CABIN1: variants seen among roughly 807,000 people sequenced by gnomAD.
CABIN1 encodes the protein calcineurin-binding protein cabin-1.
CABIN1 carries 133 observed loss-of-function variants against 227.7 expected under a neutral mutation model. The observed-to-expected ratio is 0.58, with a 90% CI of 0.51 to 0.67. The LOEUF is 0.67. CABIN1 is among the 30% of genes least tolerant of loss of function. CABIN1 has a pLI of 0.00. For missense variants in CABIN1, 2,408 were observed against 2,852.5 expected, an observed-to-expected ratio of 0.84 and a Z score of 3.55; for synonymous variants, 1,086 against 1,155.1, an observed-to-expected ratio of 0.94 and a Z score of 1.21.
chr22:24,127,475 CAGGAAGT>C (rs1170481745), intron 28 of CABIN1, among the ~76,000 whole-genome samples: 2 of 152,152 alleles, frequency 1.3e-5, no homozygotes, highest in Admixed American at 6.5e-5. Context: ...AGCAGGATAT[CAGGAAGT>C]AGTCTGATTC....
chr22:24,065,887 G>A (rs1438651477), intron 15 of CABIN1, among the ~76,000 whole-genome samples: 6 of 152,188 alleles, frequency 3.9e-5, no homozygotes, highest in Non-Finnish European at 7.4e-5. Context: ...GCCTGCAATC[G>A]CAGGCACTCG....
rs2038652986 is a variant in CABIN1 at position 24,054,777 on chromosome 22, G to A, written c.807-96G>A. On this transcript the variant is annotated intron_variant, in intron 8 of 36. Transcript: ENST00000263119. ...CATGGACATGGCAGCTCCAGGAGCA[G>A]CTCTGCCGCCTCTGTGCAGGCAGGC... The A allele has an allele frequency of 2.0e-6, 3 of 1,515,568 alleles. No individual in the cohort carries two copies. The African/African-American group carries it at 4.1e-5, about 21-fold the overall frequency. 93.9% of individuals were successfully genotyped at this position (1,515,568 alleles called of 1,614,324 possible). A position where few individuals can be genotyped will look rare whatever the true frequency, so the allele number is the denominator to read the frequency against.
chr22:24,085,940 A>G (rs1460318023), intron 22 of CABIN1, among the ~76,000 whole-genome samples: 2 of 152,192 alleles, frequency 1.3e-5, no homozygotes, highest in Non-Finnish European at 2.9e-5. Flanking sequence ...GCTGCCCTTG[A>G]GCCATGGGTG....
intron 10 of CABIN1, 185 bp downstream of exon 10, chr22:24,056,545 T>C: frequency 1.6e-6 from 1 of 622,748 alleles, no homozygotes; most frequent in Non-Finnish European, 2.8e-6. Flanking sequence ...TTCTCGCCTC[T>C]TCCCACCTCT....
chr22:24,030,242 A>G (rs192965030), intron 1 of CABIN1, among the ~76,000 whole-genome samples: 104 of 152,286 alleles, frequency 6.8e-4, no homozygotes, highest in African/African-American at 2.4e-3. Context: ...ACAGCTGTGC[A>G]TGTCCAGGGG....
intron 1 of CABIN1, among the ~76,000 whole-genome samples, chr22:24,012,095 A>G (rs1230251785): frequency 6.6e-6 from 1 of 152,176 alleles, no homozygotes; most frequent in African/African-American, 2.4e-5. Flanking sequence ...TGTTGTAAAT[A>G]TATCAGTGTT....
intron 29 of CABIN1, among the ~76,000 whole-genome samples, chr22:24,147,405 C>T (rs2045214020): frequency 1.3e-5 from 2 of 148,658 alleles, no homozygotes; most frequent in Admixed American, 1.3e-4. Flanking sequence ...TCCTTCCTTC[C>T]CTCCACCTCT....
chr22:24,086,505 A>C (rs778095313), intron 22 of CABIN1, among the ~76,000 whole-genome samples: 1 of 152,212 alleles, frequency 6.6e-6, no homozygotes, highest in Non-Finnish European at 1.5e-5. Flanking sequence ...TGATGGCTTG[A>C]TCCTGGGCTC....
chr22:24,104,624 G>A (rs970479879), intron 26 of CABIN1, among the ~76,000 whole-genome samples: 1 of 152,090 alleles, frequency 6.6e-6, no homozygotes, highest in Non-Finnish European at 1.5e-5. Flanking sequence ...TCTCTCAGGG[G>A]CCCCCAGGTT....
chr22:24,117,565 A>G (rs2043161241), intron 27 of CABIN1, among the ~76,000 whole-genome samples: 1 of 151,754 alleles, frequency 6.6e-6, no homozygotes, highest in African/African-American at 2.4e-5. Context: ...GTTAGGTTTA[A>G]TAGGCAAAAG....
chr22:24,098,385 G>A, intron 26 of CABIN1, 193 bp downstream of exon 26: 7 of 1,244,206 alleles, frequency 5.6e-6, no homozygotes, highest in Non-Finnish European at 6.7e-6. Flanking sequence ...CATGCTCAGG[G>A]TCGCCACCTG....
chr22:24,069,117 G>C (rs558358601), intron 16 of CABIN1, among the ~76,000 whole-genome samples: 1 of 152,336 alleles, frequency 6.6e-6, no homozygotes, highest in South Asian at 2.1e-4. Flanking sequence ...TGGGTGTATA[G>C]TGGCGCTTTC....
At chr22:24,020,870 C>T (rs1188735297) in intron 1 of CABIN1, among the ~76,000 whole-genome samples, 1 of 151,974 alleles carries the variant, frequency 6.6e-6, no homozygotes, top group Admixed American at 6.6e-5. Context: ...GTGCTGTGAG[C>T]ACTGGAGAAG....
Position 24,055,306 on chromosome 22 carries a change from A to C in CABIN1, c.1093+147A>C, listed in dbSNP as rs988804034. Reference sequence around the variant, plus strand: ...AGTGGAAGTGGGAGCCCCCAGCCCTAGAGGAGCCTCTCAGCCTGCTCACAG... The same window carrying C: ...AGTGGAAGTGGGAGCCCCCAGCCCTCGAGGAGCCTCTCAGCCTGCTCACAG... On this transcript the variant is annotated intron_variant, in intron 9 of 36. Coordinates refer to ENST00000263119, the MANE Select transcript of CABIN1 (RefSeq NM_012295.4). 49 of 967,892 alleles carry C rather than the reference A, an allele frequency of 5.1e-5. No individual in the cohort carries two copies. In the Admixed American group the frequency reaches 9.0e-4, roughly 18 times the overall value. The allele number at this position is 967,892 out of a possible 1,614,324, so 60.0% of individuals were successfully genotyped here. A position where few individuals can be genotyped will look rare whatever the true frequency, so the allele number is the denominator to read the frequency against.
At chr22:24,063,173 G>C in intron 14 of CABIN1, 27 bp downstream of exon 14, 1 of 1,612,482 alleles carries the variant, frequency 6.2e-7, no homozygotes, top group Non-Finnish European at 8.5e-7. Context: ...GCTGCTTGGG[G>C]AGCATGCCCT....
At position 24,177,777 on chromosome 22, in the gene CABIN1, C is replaced by T; in HGVS notation, c.6479C>T (p.Pro2160Leu). ...VTPPTPTLLS[P>L]KGSISEETKQ... ...CCACCCACCCCAACCCTGCTCTCCC[C>T]CAAAGGCAGCATCTCGGAGGAGACC... is the stretch of plus-strand genomic sequence containing the variant. Residue 2160 changes from proline to leucine, a missense_variant, in exon 36 of 37, where the codon CCC (proline) becomes CTC (leucine). Pro to Leu is a moderately conservative substitution (Grantham distance 98, BLOSUM62 -3). Around this residue, in one of 3 missense-constraint regions of CABIN1, gnomAD observed 714 missense variants for 773.8 expected, o/e 0.92. Coordinates refer to ENST00000263119, the MANE Select transcript of CABIN1 (RefSeq NM_012295.4). This position sits in a 1 kb window ranked among gnomAD's most constrained non-coding sequence, Gnocchi z 4.4. 1 of 1,609,752 alleles carries T rather than the reference C, an allele frequency of 6.2e-7. No individual in the cohort carries two copies. The highest frequency in any genetic ancestry group is 2.2e-5 in the East Asian group (1 of 44,768).
intron 26 of CABIN1, among the ~76,000 whole-genome samples, chr22:24,109,886 T>C (rs1296803342): frequency 6.6e-6 from 1 of 152,232 alleles, no homozygotes; most frequent in Non-Finnish European, 1.5e-5. Context: ...TTAATAGTTC[T>C]CAGCCGGGCG....
In CABIN1 at chr22:24,168,017, A is replaced by G. The variant is rs144012658; in HGVS notation, c.5683-430A>G. 9.2e-3 allele frequency among the ~76,000 whole-genome samples: 1,409 copies of G among 152,332 alleles called. 7 individuals are homozygous for G. Among genetic ancestry groups the G allele is most frequent in the Middle Eastern group, 0.027 (8 of 294 alleles). ...GCTCAGAAGACTCCCCTCTTCCCCT[A>G]GCAACTGAGCCTCAGCTGAATTTGA... On this transcript the variant is annotated intron_variant, in intron 32 of 36. Coordinates refer to ENST00000263119, the MANE Select transcript of CABIN1 (RefSeq NM_012295.4).
intron 7 of CABIN1, among the ~76,000 whole-genome samples, chr22:24,049,445 C>T (rs1177237230): frequency 1.3e-5 from 2 of 152,206 alleles, no homozygotes; most frequent in African/African-American, 2.4e-5. Flanking sequence ...GCCTGCTGCC[C>T]GCCTCTCCTG....
Sources: allele counts gnomAD v4.1 joint callset (sites outside exome capture counted in the v4.1 genomes callset), GRCh38; gene constraint gnomAD v4.1.1; regional missense constraint gnomAD v4.1.1; non-coding constraint Gnocchi (gnomAD v3.1); transcripts MANE v1.5; gene names NCBI Gene and HGNC (gene_info 2026-07-23, HGNC 2026-07-21).